CACUL1: variants seen among roughly 807,000 people sequenced by gnomAD.
The protein encoded by CACUL1 is CDK2 associated cullin domain 1, also known as CDK2-associated and cullin domain-containing protein 1.
A neutral mutation model predicts 45.2 loss-of-function variants in CACUL1; 13 were observed. That is an observed-to-expected ratio of 0.29 (90% CI 0.19 to 0.46). CACUL1 has a LOEUF of 0.46. CACUL1 is among the 20% of genes least tolerant of loss of function. The pLI is 1.00. For missense variants in CACUL1, 421 were observed against 471.4 expected (o/e 0.89, Z 0.99); for synonymous variants, 197 against 174.2 (o/e 1.13, Z -1.03).
At position 118,695,245 on chromosome 10, in the gene CACUL1, C is replaced by A; in HGVS notation, c.797-15G>T. 2 of 1,466,892 alleles carry A rather than the reference C, an allele frequency of 1.4e-6. No individual in the cohort carries two copies. The highest frequency in any genetic ancestry group is 1.9e-6 in the Non-Finnish European group (2 of 1,046,322). 90.9% of individuals were successfully genotyped at this position (1,466,892 alleles called of 1,614,324 possible). ...TAAAAGTAAAGCTGAAATAAGAAAA[C>A]AGGTTAAAAAGAATGTAACACATAT... On this transcript the variant is annotated splice_polypyrimidine_tract_variant and intron_variant, in intron 5 of 8. Coordinates refer to ENST00000369151, the MANE Select transcript of CACUL1 (RefSeq NM_153810.5).
rs1845189185 is a variant in CACUL1 at position 118,684,910 on chromosome 10, G to A, written c.*1218C>T. 6.6e-6 allele frequency: 1 copy of A among 152,180 alleles called. No homozygotes were observed. The highest frequency in any genetic ancestry group is 2.4e-5 in the African/African-American group (1 of 41,440). 9.4% of individuals were successfully genotyped at this position (152,180 alleles called of 1,614,324 possible). ...CTCTTGCCACATCTATTTTTCTTGG[G>A]CTTTCAACAACAGCTAGAATAAGCT... On this transcript the variant is annotated 3_prime_UTR_variant, in exon 9 of 9. Transcript: ENST00000369151.
chr10:118,747,418 T>G (rs1454190519), intron 1 of CACUL1, among the ~76,000 whole-genome samples: 1 of 151,898 alleles, frequency 6.6e-6, no homozygotes, highest in Non-Finnish European at 1.5e-5. Flanking sequence ...ATGAAACCTT[T>G]ACCCACACCA....
intron 5 of CACUL1, among the ~76,000 whole-genome samples, chr10:118,695,881 GA>G (rs1489634262): frequency 2.0e-5 from 3 of 151,938 alleles, no homozygotes; most frequent in Admixed American, 2.0e-4. Flanking sequence ...AAATACAAGT[GA>G]ATTCCATTGA....
At chr10:118,709,552 T>A (rs906753571) in intron 3 of CACUL1, among the ~76,000 whole-genome samples, 1 of 152,182 alleles carries the variant, frequency 6.6e-6, no homozygotes, top group Non-Finnish European at 1.5e-5. Flanking sequence ...CAAAACACAA[T>A]GCAAACAAAA....
chr10:118,696,015 A>G (rs1845318336), intron 5 of CACUL1, among the ~76,000 whole-genome samples: 1 of 152,236 alleles, frequency 6.6e-6, no homozygotes, highest in Admixed American at 6.5e-5. Context: ...GGCTTGTAAC[A>G]TCACATATAA....
At chr10:118,708,725 G>C (rs920815207) in intron 3 of CACUL1, among the ~76,000 whole-genome samples, 5 of 151,980 alleles carry the variant, frequency 3.3e-5, no homozygotes, top group Middle Eastern at 3.4e-3. Flanking sequence ...AGAACGCTCA[G>C]GTTCTCGCTC....
chr10:118,743,588 C>T (rs1845812097), intron 1 of CACUL1, among the ~76,000 whole-genome samples: 1 of 151,846 alleles, frequency 6.6e-6, no homozygotes, highest in Non-Finnish European at 1.5e-5. Flanking sequence ...AATTAGCCGG[C>T]CATGGTGGCG....
At position 118,701,365 on chromosome 10, in the gene CACUL1, T is replaced by C. The variant is rs778044293; in HGVS notation, c.737A>G (p.Asp246Gly). 1.3e-6 allele frequency: 2 copies of C among 1,578,406 alleles called. No homozygotes were observed. Residue 246 changes from aspartate (D) to glycine (G), a missense_variant, in exon 5 of 9, where the codon GAT becomes GGT. By Grantham distance (94) the Asp-to-Gly change is moderately conservative. Transcript: ENST00000369151. ...TTCCGTAAACAGCTTTATAAGGTCATCTTTTAAGTCTCTGTTAAGCTTGGT... is the reference window on the plus strand; with the variant it reads ...TTCCGTAAACAGCTTTATAAGGTCACCTTTTAAGTCTCTGTTAAGCTTGGT... ...IETKLNRDLKDDLIKLFTEHV... is the reference protein window; with the variant it reads ...IETKLNRDLKGDLIKLFTEHV...
rs943868495 is a variant in CACUL1 at position 118,677,056 on chromosome 10, T to C, written c.*9072A>G. The C allele has an allele frequency of 3.9e-5, 6 of 152,230 alleles. No individual in the cohort carries two copies. The highest frequency in any genetic ancestry group is 1.3e-4 in the Admixed American group (2 of 15,286). 9.4% of individuals were successfully genotyped at this position (152,230 alleles called of 1,614,324 possible). A position where few individuals can be genotyped will look rare whatever the true frequency, so the allele number is the denominator to read the frequency against. ...GAATTTCTCTTGGTGAATGGTATGA[T>C]AGGAATCAGTTTAATGTTCTCTAAT... On this transcript the variant is annotated 3_prime_UTR_variant, in exon 9 of 9. Transcript: ENST00000369151.
At chr10:118,722,800 G>A (rs144450201) in intron 3 of CACUL1, among the ~76,000 whole-genome samples, 241 of 152,238 alleles carry the variant, frequency 1.6e-3, no homozygotes, top group African/African-American at 5.5e-3. Context: ...AACAGGTCAG[G>A]GCAGAAGCAC....
intron 5 of CACUL1, among the ~76,000 whole-genome samples, chr10:118,698,699 T>A (rs1344287804): frequency 6.6e-6 from 1 of 152,194 alleles, no homozygotes; most frequent in African/African-American, 2.4e-5. Flanking sequence ...CTGAGCCACA[T>A]CAGACAATGC....
intron 1 of CACUL1, 150 bp downstream of exon 1, chr10:118,754,246 G>GGAAGGAGGCAGGGAGGC: frequency 8.3e-7 from 1 of 1,204,226 alleles, no homozygotes; most frequent in Non-Finnish European, 1.1e-6. Flanking sequence ...ACGGTGAGGG[G>GGAAGGAGGCAGGGAGGC]GAAGGAGGCA....
chr10:118,754,888 CTGCGGTGCGCAGGGTCTCTCG>C lies in CACUL1; in HGVS notation c.-147_-127del. 1 of 1,330,820 alleles carries C rather than the reference CTGCGGTGCGCAGGGTCTCTCG, an allele frequency of 7.5e-7. No homozygotes were observed. The highest frequency in any genetic ancestry group is 1.0e-6 in the Non-Finnish European group (1 of 988,354). 82.4% of individuals were successfully genotyped at this position (1,330,820 alleles called of 1,614,324 possible). A position where few individuals can be genotyped will look rare whatever the true frequency, so the allele number is the denominator to read the frequency against. ...GCAGGAATGGGCGCAGCGGAGAGGG[CTGCGGTGCGCAGGGTCTCTCG>C]CTCTCCGCGGGGCCGACTAGCTTGA... is the stretch of plus-strand genomic sequence containing the variant. On this transcript the variant is annotated 5_prime_UTR_variant, in exon 1 of 9. Transcript: ENST00000369151.
chr10:118,748,931 AAG>A (rs1317633570), intron 1 of CACUL1, among the ~76,000 whole-genome samples: 1 of 152,144 alleles, frequency 6.6e-6, no homozygotes, highest in East Asian at 1.9e-4. Flanking sequence ...ACACAGGAAA[AAG>A]AGGAAAGGAA....
At chr10:118,694,356 C>T (rs1357254042) in intron 6 of CACUL1, among the ~76,000 whole-genome samples, 2 of 152,188 alleles carry the variant, frequency 1.3e-5, no homozygotes, top group African/African-American at 2.4e-5. Context: ...AGGTACTGTG[C>T]GTTAAGCTCT....
chr10:118,701,313 G>C lies in CACUL1; in HGVS notation c.789C>G (p.Ser263Arg). 6.5e-7 allele frequency: 1 copy of C among 1,539,764 alleles called. No homozygotes were observed. The highest frequency in any genetic ancestry group is 1.4e-5 in the African/African-American group (1 of 73,766). Residue 263 changes from serine (S) to arginine (R), a missense_variant, in exon 5 of 9, where the codon AGC becomes AGG. By Grantham distance (110) the Ser-to-Arg change is moderately radical. This residue lies in a region of CACUL1 where 208 missense variants were observed against 298.4 expected (regional missense o/e 0.70). Transcript: ENST00000369151. ...ATAAGCTGAATTACTTACGCATTAGGCTGTAAATGTGCTTTTCTGCAACAT... is the reference window on the plus strand; with the variant it reads ...ATAAGCTGAATTACTTACGCATTAGCCTGTAAATGTGCTTTTCTGCAACAT... Reference protein sequence around the residue: ...TEHVAEKHIYSLMPLLLEAQS... With the variant: ...TEHVAEKHIYRLMPLLLEAQS...
intron 1 of CACUL1, among the ~76,000 whole-genome samples, chr10:118,730,990 T>A (rs1185770868): frequency 1.3e-4 from 20 of 152,264 alleles, no homozygotes; most frequent in African/African-American, 4.8e-4. Context: ...TGCTACTATC[T>A]TAAACTGGAT....
intron 3 of CACUL1, among the ~76,000 whole-genome samples, chr10:118,711,264 G>A (rs1339716398): frequency 1.3e-5 from 2 of 152,206 alleles, no homozygotes; most frequent in African/African-American, 4.8e-5. Flanking sequence ...ATTTTTAGGA[G>A]AGACAGGGTT....
At chr10:118,717,899 G>A (rs1223955076) in intron 3 of CACUL1, among the ~76,000 whole-genome samples, 1 of 152,156 alleles carries the variant, frequency 6.6e-6, no homozygotes, top group Non-Finnish European at 1.5e-5. Context: ...AAGACCTGAG[G>A]ATGAAGCAGG....
Sources: allele counts gnomAD v4.1 joint callset (sites outside exome capture counted in the v4.1 genomes callset), GRCh38; gene constraint gnomAD v4.1.1; regional missense constraint gnomAD v4.1.1; transcripts MANE v1.5; gene names NCBI Gene and HGNC (gene_info 2026-07-23, HGNC 2026-07-21).